The following ATG16L1 variants were observed in gnomAD, a reference collection of about 807,000 sequenced individuals.
ATG16L1 encodes autophagy related 16 like 1.
ATG16L1 carries 37 observed loss-of-function variants against 88.5 expected under a neutral mutation model. The ratio of observed to expected loss-of-function variants is 0.42; its 90% CI spans 0.32 to 0.55. ATG16L1 has a LOEUF of 0.55. Ranked by LOEUF, ATG16L1 falls within the 20% of genes least tolerant of loss-of-function variation. ATG16L1 has a pLI of 0.13. For missense variants in ATG16L1, 554 were observed against 752.8 expected, an observed-to-expected ratio of 0.74 and a Z score of 3.09; for synonymous variants, 301 against 281.0, an observed-to-expected ratio of 1.07 and a Z score of -0.71.
chr2:233,261,175 T>A (rs1403855675), intron 2 of ATG16L1, among the ~76,000 whole-genome samples: 3 of 152,272 alleles, frequency 2.0e-5, no homozygotes, highest in South Asian at 2.1e-4. Context: ...CAGGATGATC[T>A]CGATCTCCTG....
chr2:233,275,730 C>T (rs764716125), intron 9 of ATG16L1: 9 of 518,864 alleles, frequency 1.7e-5, no homozygotes, highest in Non-Finnish European at 2.7e-5. Context: ...CTGCAGAGGT[C>T]GATGATGATT....
Position 233,251,711 on chromosome 2 carries a change from G to A in ATG16L1, c.-117G>A. Reference sequence around the variant, plus strand: ...TGGCCTCGGGGACTGCCAGTGTGTGGAGGTGAGCTCCGGGATTGCCGGCAT... The same window carrying A: ...TGGCCTCGGGGACTGCCAGTGTGTGAAGGTGAGCTCCGGGATTGCCGGCAT... On this transcript the variant is annotated 5_prime_UTR_variant, in exon 1 of 18. The change creates a premature stop within an existing upstream ORF in the 5' untranslated region. Transcript: ENST00000392017. 2 of 890,814 alleles carry A rather than the reference G, an allele frequency of 2.2e-6. No individual in the cohort carries two copies. Among genetic ancestry groups the A allele is most frequent in the Non-Finnish European group, 3.6e-6 (2 of 562,018 alleles). 55.2% of individuals were successfully genotyped at this position (890,814 alleles called of 1,614,324 possible). A position where few individuals can be genotyped will look rare whatever the true frequency, so the allele number is the denominator to read the frequency against.
At chr2:233,276,399 A>G (rs937825065) in intron 9 of ATG16L1, among the ~76,000 whole-genome samples, 2 of 152,152 alleles carry the variant, frequency 1.3e-5, no homozygotes, top group Admixed American at 6.5e-5. Flanking sequence ...AATTCTAGGC[A>G]TTATATTTCA....
intron 5 of ATG16L1, among the ~76,000 whole-genome samples, chr2:233,266,809 T>C (rs1402081434): frequency 6.6e-6 from 1 of 152,186 alleles, no homozygotes; most frequent in Non-Finnish European, 1.5e-5. Flanking sequence ...TAAAAATGAA[T>C]TAAATCATGT....
At chr2:233,274,405 AGTT>A in intron 8 of ATG16L1, 1 of 432,318 alleles carries the variant, frequency 2.3e-6, no homozygotes, top group Non-Finnish European at 4.1e-6. Flanking sequence ...CTGGGTAAGC[AGTT>A]GTTCAGGATT....
chr2:233,271,574 G>T (rs985403326), intron 6 of ATG16L1, among the ~76,000 whole-genome samples: 4 of 152,190 alleles, frequency 2.6e-5, no homozygotes, highest in African/African-American at 9.7e-5. Flanking sequence ...CACCGAGCCC[G>T]GCCTAAGGCC....
chr2:233,263,109 C>A lies in ATG16L1; in HGVS notation c.210-21C>A, dbSNP rs1453165087. The A allele has an allele frequency of 3.1e-6, 5 of 1,607,952 alleles. No individual in the cohort carries two copies. The South Asian group carries it at 5.5e-5, about 18-fold the overall frequency. On this transcript the variant is annotated intron_variant, in intron 2 of 17. Transcript: ENST00000392017. The stretch of plus-strand genomic sequence containing the variant: ...TCCGTTTTTTGCACATTCTCTTCAT[C>A]TGCCTGGTTTGCCAATTTAGTCCCG...
rs1299082861 is a variant in ATG16L1, at chr2:233,281,123, G to A, written c.1079G>A (p.Gly360Asp). ...EVFGEKCEFKGSLSGSNAGIT... is the reference protein window; with the variant it reads ...EVFGEKCEFKDSLSGSNAGIT... The stretch of plus-strand genomic sequence containing the variant: ...TATACAGAAAAATGTGAGTTCAAGG[G>A]TTCCCTATCTGGCAGTAATGCAGGA... Residue 360 changes from glycine to aspartate, a missense_variant, in exon 11 of 18, where the codon GGT (glycine) becomes GAT (aspartate). By Grantham distance (94) the Gly-to-Asp change is moderately conservative. This residue lies in a region of ATG16L1 where 370 missense variants were observed against 509.7 expected (regional missense o/e 0.73). Transcript: ENST00000392017. The A allele has an allele frequency of 1.9e-6, 3 of 1,603,650 alleles. No individual in the cohort carries two copies. Among genetic ancestry groups the A allele is most frequent in the Non-Finnish European group, 2.5e-6 (3 of 1,176,948 alleles).
chr2:233,276,333 C>A (rs1698369767), intron 9 of ATG16L1, among the ~76,000 whole-genome samples: 1 of 152,104 alleles, frequency 6.6e-6, no homozygotes, highest in Non-Finnish European at 1.5e-5. Context: ...ATAGAAATTT[C>A]CAAACATACG....
In ATG16L1 at chr2:233,251,884, G is replaced by A. The variant is rs1696394204; in HGVS notation, c.57G>A (p.Glu19=). 2 of 1,551,094 alleles carry A rather than the reference G, an allele frequency of 1.3e-6. No individual in the cohort carries two copies. The highest frequency in any genetic ancestry group is 8.7e-7 in the Non-Finnish European group (1 of 1,147,644). Reference sequence around the variant, plus strand: ...CCCGCTGGAAGCGCCACATCTCGGAGCAACTGAGGCGCCGGGACCGGCTGC... The same window carrying A: ...CCCGCTGGAAGCGCCACATCTCGGAACAACTGAGGCGCCGGGACCGGCTGC... The part of the protein sequence containing the change: ...DFPRWKRHIS[E]QLRRRDRLQR... Residue 19 remains glutamate (E), a synonymous_variant, in exon 1 of 18, where the codon GAG becomes GAA. Transcript: ENST00000392017.
Position 233,277,676 on chromosome 2 carries a change from G to A in ATG16L1, c.1060+3G>A, listed in dbSNP as rs1050801340. 2.5e-6 allele frequency: 4 copies of A among 1,612,574 alleles called. No homozygotes were observed. The Admixed American group carries it at 5.0e-5, about 20-fold the overall frequency. On this transcript the variant is annotated splice_donor_region_variant and intron_variant, in intron 10 of 17. Transcript: ENST00000392017. ...TAAGCTTTGGGAAGTATTTGGAGGT[G>A]AGAGCCTGCTGCATGTTCTCAGACT...
At chr2:233,277,151 ATATG>A (rs1381613223) in intron 9 of ATG16L1, 1 of 159,108 alleles carries the variant, frequency 6.3e-6, no homozygotes, top group Non-Finnish European at 1.4e-5. Context: ...CATTATTTAA[ATATG>A]TAGTATTTAA....
Position 233,294,570 on chromosome 2 carries a change from C to T in ATG16L1, c.*220C>T, listed in dbSNP as rs1034253796. On this transcript the variant is annotated 3_prime_UTR_variant, in exon 18 of 18. Transcript: ENST00000392017. ...ATAACACTGAAAAAACCTGACGCTGCGGTCACTTAGCAGAGGCTCAGGTTC... is the reference window on the plus strand; with the variant it reads ...ATAACACTGAAAAAACCTGACGCTGTGGTCACTTAGCAGAGGCTCAGGTTC... 4.9e-6 allele frequency: 2 copies of T among 412,150 alleles called. No individual in the cohort carries two copies. The highest frequency in any genetic ancestry group is 4.3e-5 in the Admixed American group (1 of 23,384). 25.5% of individuals were successfully genotyped at this position (412,150 alleles called of 1,614,324 possible).
intron 9 of ATG16L1, among the ~76,000 whole-genome samples, chr2:233,275,092 A>G (rs73998327): frequency 0.084 from 12,848 of 152,244 alleles, 662 homozygotes; most frequent in African/African-American, 0.13. Flanking sequence ...ATTGTCACCA[A>G]TTGGCTCCAG....
intron 12 of ATG16L1, chr2:233,288,803 G>A (rs1451776356): frequency 5.8e-6 from 3 of 519,096 alleles, no homozygotes; most frequent in South Asian, 2.8e-5. Context: ...CTGACACTCC[G>A]TGATGTCCCT....
At chr2:233,288,111 A>G (rs1699206786) in intron 12 of ATG16L1, among the ~76,000 whole-genome samples, 2 of 152,262 alleles carry the variant, frequency 1.3e-5, no homozygotes, top group Non-Finnish European at 2.9e-5. Flanking sequence ...ATGCTGTCCC[A>G]GTTTCAGAGG....
intron 5 of ATG16L1, among the ~76,000 whole-genome samples, chr2:233,268,812 A>T (rs1301146026): frequency 6.6e-6 from 1 of 152,210 alleles, no homozygotes. Flanking sequence ...AGCTATACCC[A>T]CATCCCTTCC....
intron 12 of ATG16L1, chr2:233,288,578 A>G (rs1699236509): frequency 2.8e-6 from 1 of 354,482 alleles, no homozygotes. Flanking sequence ...CACTTTGCCA[A>G]CCCTTGCATT....
At position 233,292,256 on chromosome 2, in the gene ATG16L1, A is replaced by G. The variant is rs1699510624; in HGVS notation, c.1559A>G (p.Asn520Ser). 2 of 1,614,130 alleles carry G rather than the reference A, an allele frequency of 1.2e-6. No homozygotes were observed. Among genetic ancestry groups the G allele is most frequent in the African/African-American group, 2.7e-5 (2 of 74,952 alleles). The change falls in exon 15 of 18, where the codon AAT becomes AGT. Residue 520 changes from asparagine (N) to serine (S), a missense_variant. This residue lies in a region of ATG16L1 where 370 missense variants were observed against 509.7 expected (regional missense o/e 0.73). Coordinates refer to ENST00000392017, the MANE Select transcript of ATG16L1 (RefSeq NM_030803.7). ...DLLKVIDLRT[N>S]AIKQTFSAPG... ...CTAAAAGTTATTGATCTCCGAACAA[A>G]TGCTATCAAGCAGACATTCAGGTAA...
Sources: gnomAD v4.1 joint callset for allele counts (sites outside exome capture counted in the v4.1 genomes callset) on GRCh38, gnomAD v4.1.1 for gene constraint, gnomAD v4.1.1 regional missense constraint, MANE v1.5 for transcripts, NCBI Gene and HGNC (gene_info 2026-07-23, HGNC 2026-07-21) for gene names.